STRBP: variants seen among roughly 807,000 people sequenced by gnomAD.
The protein encoded by STRBP is spermatid perinuclear RNA binding protein.
A neutral mutation model predicts 80.1 loss-of-function variants in STRBP; 13 were observed. The ratio of observed to expected loss-of-function variants is 0.16; its 90% CI spans 0.11 to 0.26. The LOEUF is 0.26. Ranked by LOEUF, STRBP falls within the 10% of genes least tolerant of loss-of-function variation. The probability of loss-of-function intolerance (pLI) is 1.00; values close to 1 mark genes in which losing one functional copy is unlikely to be tolerated. For missense variants in STRBP, 485 were observed against 815.2 expected, an observed-to-expected ratio of 0.59 and a Z score of 4.93; for synonymous variants, 284 against 291.2, an observed-to-expected ratio of 0.98 and a Z score of 0.25.
intron 11 of STRBP, among the ~76,000 whole-genome samples, chr9:123,152,849 G>A (rs1215141352): frequency 6.6e-6 from 1 of 152,024 alleles, no homozygotes; most frequent in African/African-American, 2.4e-5. Flanking sequence ...GTAATAAAAT[G>A]GCATAAAACT....
intron 5 of STRBP, among the ~76,000 whole-genome samples, chr9:123,170,959 A>G (rs560674568): frequency 6.6e-6 from 1 of 152,262 alleles, no homozygotes; most frequent in East Asian, 1.9e-4. Flanking sequence ...ACTTATGTAA[A>G]AATAGCATTT....
chr9:123,169,410 A>G (rs1427232287), intron 6 of STRBP, among the ~76,000 whole-genome samples: 1 of 152,080 alleles, frequency 6.6e-6, no homozygotes, highest in Non-Finnish European at 1.5e-5. Context: ...GCCTCAAGCA[A>G]TCCACACACC....
rs1263829168 is a variant in STRBP, at chr9:123,184,186, G to C, written c.-52C>G. 1.3e-6 allele frequency: 2 copies of C among 1,592,600 alleles called. No homozygotes were observed. The highest frequency in any genetic ancestry group is 1.7e-6 in the Non-Finnish European group (2 of 1,165,928). On this transcript the variant is annotated 5_prime_UTR_variant, in exon 3 of 19. Transcript: ENST00000348403. ...TTTCCGATCCTTTCCCCTCTTTCTT[G>C]TCGTCTTCACTAGACACTGTTTTGT...
At chr9:123,233,365 C>G (rs552390795) in intron 2 of STRBP, among the ~76,000 whole-genome samples, 2 of 152,302 alleles carry the variant, frequency 1.3e-5, no homozygotes, top group South Asian at 4.1e-4. Context: ...GCCTGAGCCC[C>G]TATGCCAGGC....
intron 3 of STRBP, among the ~76,000 whole-genome samples, chr9:123,183,251 A>G (rs942494678): frequency 1.3e-5 from 2 of 151,914 alleles, no homozygotes; most frequent in South Asian, 2.1e-4. Flanking sequence ...CCTGGCCAAC[A>G]TGGCGAAACC....
chr9:123,158,977 A>C (rs2037408136), intron 9 of STRBP, 119 bp downstream of exon 9: 1 of 721,182 alleles, frequency 1.4e-6, no homozygotes, highest in African/African-American at 1.8e-5. Flanking sequence ...CAAAATTCCA[A>C]GCAAAAGAAC....
chr9:123,146,486 A>G (rs2036819449), intron 13 of STRBP, among the ~76,000 whole-genome samples: 2 of 151,302 alleles, frequency 1.3e-5, no homozygotes, highest in Admixed American at 6.6e-5. Context: ...GAAACATTAC[A>G]TGAAAAAAAA....
chr9:123,110,400 C>T lies in STRBP; in HGVS notation c.*85-647G>A, dbSNP rs1215760066. On this transcript the variant is annotated intron_variant and NMD_transcript_variant, in intron 3 of 3. Transcript: ENST00000471564. This position sits in a 1 kb window ranked among gnomAD's most constrained non-coding sequence, Gnocchi z 4.1. Reference sequence around the variant, plus strand: ...CTCACTGTTCCTGGAAGTACGATTGCCCTAATTTATGGTTACCTCAGGAAA... The same window carrying T: ...CTCACTGTTCCTGGAAGTACGATTGTCCTAATTTATGGTTACCTCAGGAAA... The T allele has an allele frequency of 5.9e-6, 1 of 168,904 alleles. No homozygotes were observed. The highest frequency in any genetic ancestry group is 2.4e-5 in the African/African-American group (1 of 41,496). The allele number at this position is 168,904 out of a possible 1,614,324, so 10.5% of individuals were successfully genotyped here. A position where few individuals can be genotyped will look rare whatever the true frequency, so the allele number is the denominator to read the frequency against.
In STRBP at chr9:123,258,614, T is replaced by C. The variant is rs951317081; in HGVS notation, c.-302+9822A>G. Among the ~76,000 whole-genome samples, 7 of 151,922 alleles carry C rather than the reference T, an allele frequency of 4.6e-5. No individual in the cohort carries two copies. In the South Asian group the frequency reaches 6.2e-4, roughly 14 times the overall value. ...GTCAGGAAATCGAGACCATCCTGGC[T>C]AACACAGTGAAACCCTGTCTCTATT... On this transcript the variant is annotated intron_variant, in intron 1 of 18. Coordinates refer to ENST00000348403, the MANE Select transcript of STRBP (RefSeq NM_018387.5).
rs1403022098 is a variant in STRBP at position 123,159,180 on chromosome 9, T to C, written c.751A>G (p.Ile251Val). 13 of 1,613,458 alleles carry C rather than the reference T, an allele frequency of 8.1e-6. No homozygotes were observed. Among genetic ancestry groups the C allele is most frequent in the African/African-American group, 4.0e-5 (3 of 75,032 alleles). The part of the protein sequence containing the change: ...WPLELICEKS[I>V]GTCNRPLGAG... ...CCCAAAGGTCTATTACAAGTACCTA[T>C]AGACTTTTCACATATAAGTTCTAGT... The change falls in exon 9 of 19, where the codon ATA becomes GTA. Residue 251 changes from isoleucine (I) to valine (V), a missense_variant. By Grantham distance (29) the Ile-to-Val change is conservative. This residue lies in a region of STRBP where 377 missense variants were observed against 616.1 expected (regional missense o/e 0.61). Transcript: ENST00000348403.
intron 2 of STRBP, among the ~76,000 whole-genome samples, chr9:123,219,987 G>C (rs2040018104): frequency 6.6e-6 from 1 of 152,188 alleles, no homozygotes; most frequent in Admixed American, 6.5e-5. Context: ...GCAAACAAAT[G>C]AACTTTCTGA....
At chr9:123,240,480 A>G (rs1382165491) in intron 1 of STRBP, among the ~76,000 whole-genome samples, 2 of 152,222 alleles carry the variant, frequency 1.3e-5, no homozygotes, top group Non-Finnish European at 2.9e-5. Context: ...ATTTTCTCAC[A>G]AAAAGTAGTT....
chr9:123,122,583 C>A lies in STRBP; in HGVS notation c.*3014G>T. The A allele has an allele frequency of 9.0e-7, 1 of 1,109,830 alleles. No homozygotes were observed. Among genetic ancestry groups the A allele is most frequent in the South Asian group, 2.3e-5 (1 of 43,592 alleles). The allele number at this position is 1,109,830 out of a possible 1,614,324, so 68.7% of individuals were successfully genotyped here. A position where few individuals can be genotyped will look rare whatever the true frequency, so the allele number is the denominator to read the frequency against. On this transcript the variant is annotated 3_prime_UTR_variant, in exon 19 of 19. Transcript: ENST00000348403. Reference sequence around the variant, plus strand: ...TTACTTCACCACCCATGCACTTCATCTAGTCAGCATGAGGTATGTTGGAAA... The same window carrying A: ...TTACTTCACCACCCATGCACTTCATATAGTCAGCATGAGGTATGTTGGAAA...
At chr9:123,208,896 G>A (rs1368499668) in intron 2 of STRBP, among the ~76,000 whole-genome samples, 1 of 152,112 alleles carries the variant, frequency 6.6e-6, no homozygotes, top group Admixed American at 6.5e-5. Context: ...GCTTCTTCTT[G>A]TCTGGTTCCC....
chr9:123,123,053 G>GGT lies in STRBP; in HGVS notation c.*2542_*2543dup, dbSNP rs1381879354. ...GTGTCTGAAAGCTGGATAGCCTCAGGGTGTCACATTGCTCTTAAGACCAAG... is the reference window on the plus strand; with the variant it reads ...GTGTCTGAAAGCTGGATAGCCTCAGGGTGTGTCACATTGCTCTTAAGACCAAG... On this transcript the variant is annotated 3_prime_UTR_variant, in exon 19 of 19. Coordinates refer to ENST00000348403, the MANE Select transcript of STRBP (RefSeq NM_018387.5). The GGT allele has an allele frequency of 1.0e-6, 1 of 985,266 alleles. No individual in the cohort carries two copies. Among genetic ancestry groups the GGT allele is most frequent in the Non-Finnish European group, 1.2e-6 (1 of 829,926 alleles). 61.0% of individuals were successfully genotyped at this position (985,266 alleles called of 1,614,324 possible). A position where few individuals can be genotyped will look rare whatever the true frequency, so the allele number is the denominator to read the frequency against.
intron 1 of STRBP, among the ~76,000 whole-genome samples, chr9:123,266,270 T>C (rs2041264447): frequency 6.6e-6 from 1 of 152,080 alleles, no homozygotes; most frequent in South Asian, 2.1e-4. Flanking sequence ...AATTTGGGGA[T>C]GTGCACTCAG....
intron 1 of STRBP, among the ~76,000 whole-genome samples, chr9:123,239,329 C>T (rs1263748750): frequency 6.6e-6 from 1 of 151,920 alleles, no homozygotes; most frequent in Non-Finnish European, 1.5e-5. Context: ...GAGCCGAGAT[C>T]GCGCCACTGC....
chr9:123,201,822 G>T (rs1451018843), intron 2 of STRBP, among the ~76,000 whole-genome samples: 2 of 152,170 alleles, frequency 1.3e-5, no homozygotes, highest in East Asian at 1.9e-4. Flanking sequence ...TCAAAGATCT[G>T]TCTAGTGCTG....
In STRBP at chr9:123,125,329, T is replaced by C. The variant is rs2035851448; in HGVS notation, c.*268A>G. ...TCTTAAAACTTAAACTTTGAACTGC[T>C]AGACTTTTATTTCCCTAGAACAGAA... On this transcript the variant is annotated 3_prime_UTR_variant, in exon 19 of 19. Transcript: ENST00000348403. The C allele has an allele frequency of 1.5e-5, 17 of 1,134,916 alleles. No individual in the cohort carries two copies. Among genetic ancestry groups the C allele is most frequent in the Non-Finnish European group, 1.8e-5 (17 of 926,850 alleles). The allele number at this position is 1,134,916 out of a possible 1,614,324, so 70.3% of individuals were successfully genotyped here. A position where few individuals can be genotyped will look rare whatever the true frequency, so the allele number is the denominator to read the frequency against.
Sources: allele counts gnomAD v4.1 joint callset (sites outside exome capture counted in the v4.1 genomes callset), GRCh38; gene constraint gnomAD v4.1.1; regional missense constraint gnomAD v4.1.1; non-coding constraint Gnocchi (gnomAD v3.1); transcripts MANE v1.5; gene names NCBI Gene and HGNC (gene_info 2026-07-23, HGNC 2026-07-21).